The following RGS8 variants were observed in gnomAD, a reference collection of about 807,000 sequenced individuals.
The protein encoded by RGS8 is regulator of G protein signaling 8.
A neutral mutation model predicts 21.7 loss-of-function variants in RGS8; 8 were observed. The ratio of observed to expected loss-of-function variants is 0.37; its 90% confidence interval spans 0.22 to 0.66. RGS8 has a LOEUF of 0.66. RGS8 is among the 30% of genes least tolerant of loss of function. RGS8 has a pLI of 0.59. For synonymous variants in RGS8, 80 were observed against 83.6 expected (o/e 0.96, Z 0.24); for missense variants, 157 against 217.9 (o/e 0.72, Z 1.76).
chr1:182,731,048 T>C, the RGS8 span, among the ~76,000 whole-genome samples: 1 of 152,200 alleles, frequency 6.6e-6, no homozygotes, highest in African/African-American at 2.4e-5. Context: ...AAAGAGTTTA[T>C]CTGACCTGCA....
the RGS8 span, among the ~76,000 whole-genome samples, chr1:182,713,926 A>G: frequency 1.3e-5 from 2 of 152,270 alleles, no homozygotes; most frequent in Non-Finnish European, 2.9e-5. Flanking sequence ...GAAAAGTAGA[A>G]GTACACATTA....
the RGS8 span, among the ~76,000 whole-genome samples, chr1:182,742,805 C>CT: frequency 1.3e-5 from 2 of 149,540 alleles, no homozygotes; most frequent in East Asian, 1.9e-4. Context: ...TTTTTAACTA[C>CT]TTTTTTATGT....
At chr1:182,711,558 C>CT in the RGS8 span, among the ~76,000 whole-genome samples, 1 of 152,162 alleles carries the variant, frequency 6.6e-6, no homozygotes, top group Non-Finnish European at 1.5e-5. Flanking sequence ...TGATAAGTGG[C>CT]TGGGAACACA....
intron 5 of RGS8, among the ~76,000 whole-genome samples, chr1:182,661,364 T>C (rs1663577184): frequency 6.6e-6 from 1 of 151,938 alleles, no homozygotes; most frequent in Non-Finnish European, 1.5e-5. Flanking sequence ...ACCAAATAAA[T>C]GCCTGGGGTG....
chr1:182,718,220 T>C, the RGS8 span, among the ~76,000 whole-genome samples: 2 of 152,142 alleles, frequency 1.3e-5, no homozygotes, highest in Admixed American at 6.5e-5. Flanking sequence ...AAGGAATATT[T>C]TGAGGCAAGC....
the RGS8 span, among the ~76,000 whole-genome samples, chr1:182,738,171 A>G: frequency 5.3e-5 from 8 of 152,232 alleles, no homozygotes; most frequent in African/African-American, 1.9e-4. Flanking sequence ...TCTAAGATAA[A>G]AATTAGAGCC....
chr1:182,709,040 G>A, the RGS8 span, among the ~76,000 whole-genome samples: 2 of 144,814 alleles, frequency 1.4e-5, no homozygotes, highest in Non-Finnish European at 3.0e-5. Context: ...TCTTCTCTCC[G>A]TTTCTCTCTT....
chr1:182,741,429 C>A, the RGS8 span, among the ~76,000 whole-genome samples: 1 of 137,956 alleles, frequency 7.2e-6, no homozygotes, highest in African/African-American at 2.7e-5. Flanking sequence ...CACCTCCCTC[C>A]CGGACAGGGC....
chr1:182,746,802 T>A, the RGS8 span, among the ~76,000 whole-genome samples: 1 of 152,198 alleles, frequency 6.6e-6, no homozygotes, highest in Admixed American at 6.5e-5. Flanking sequence ...CATCAAGGAC[T>A]GCTTCGAGTT....
the RGS8 span, among the ~76,000 whole-genome samples, chr1:182,726,848 T>C: frequency 4.6e-5 from 7 of 152,144 alleles, no homozygotes; most frequent in Non-Finnish European, 1.0e-4. Context: ...GCCTGTGCAT[T>C]GCAGCAGGTC....
At chr1:182,731,235 T>C in the RGS8 span, among the ~76,000 whole-genome samples, 1 of 152,214 alleles carries the variant, frequency 6.6e-6, no homozygotes, top group Non-Finnish European at 1.5e-5. Context: ...CCAATAATCC[T>C]GCACCTTTAG....
chr1:182,742,363 G>C, the RGS8 span, among the ~76,000 whole-genome samples: 1 of 151,850 alleles, frequency 6.6e-6, no homozygotes, highest in African/African-American at 2.4e-5. Flanking sequence ...CTGCAATCTC[G>C]GCACTTTGGG....
At chr1:182,644,879 T>C (rs1662634329), downstream of RGS8, 1 of 152,208 alleles carries the variant, frequency 6.6e-6, no homozygotes, top group African/African-American at 2.4e-5. Context: ...TTTGAGGCTT[T>C]GGAGTTCTCA....
At chr1:182,729,583 G>A in the RGS8 span, among the ~76,000 whole-genome samples, 1 of 151,956 alleles carries the variant, frequency 6.6e-6, no homozygotes, top group African/African-American at 2.4e-5. Flanking sequence ...AAAAATATAG[G>A]GTCCTTCCTT....
downstream of RGS8, chr1:182,643,309 T>TCCCCCCTCCCCCCCCCCCCCCCCCCCCCC (rs1662549751): frequency 1.8e-5 from 1 of 56,154 alleles, no homozygotes; most frequent in Non-Finnish European, 3.4e-5. Context: ...CAGCTGTGTC[T>TCCCCCCTCCCCCCCCCCCCCCCCCCCCCC]CCCCCCTCCC....
chr1:182,740,520 G>T, the RGS8 span, among the ~76,000 whole-genome samples: 2 of 142,962 alleles, frequency 1.4e-5, no homozygotes, highest in African/African-American at 2.6e-5. Context: ...TTCAGGATTT[G>T]AACTCATGTT....
At chr1:182,696,211 T>C in the RGS8 span, among the ~76,000 whole-genome samples, 1 of 152,214 alleles carries the variant, frequency 6.6e-6, no homozygotes, top group Admixed American at 6.5e-5. Context: ...ACTCAACTTT[T>C]AGACATCCCA....
the RGS8 span, among the ~76,000 whole-genome samples, chr1:182,701,053 G>A: frequency 6.6e-6 from 1 of 152,220 alleles, no homozygotes; most frequent in South Asian, 2.1e-4. Context: ...GTTTTCTTGA[G>A]AAGGTTTTAA....
At position 182,682,616 on chromosome 1, in the gene RGS8, C is replaced by T. The variant is rs1351438034; in HGVS notation, n.221+1740G>A. Among the ~76,000 whole-genome samples, 12 of 152,196 alleles carry T rather than the reference C, an allele frequency of 7.9e-5. 1 individual carries two copies. The highest frequency in any genetic ancestry group is 4.6e-4 in the Admixed American group (7 of 15,284). ...CAAGCTCCTTTGAAAGTGAGCCAGA[C>T]ACTTGTTATCACTCATTTTACAGAT... On this transcript the variant is annotated intron_variant and non_coding_transcript_variant, in intron 1 of 4. Transcript: ENST00000515211.
Sources: allele counts gnomAD v4.1 joint callset (sites outside exome capture counted in the v4.1 genomes callset), GRCh38; gene constraint gnomAD v4.1.1; transcripts MANE v1.5; gene names NCBI Gene and HGNC (gene_info 2026-07-23, HGNC 2026-07-21).